The following LAPTM5 variants were observed in gnomAD, a reference collection of about 807,000 sequenced individuals.
LAPTM5 encodes the protein lysosomal-associated transmembrane protein 5.
In LAPTM5, 11 loss-of-function variants were observed where a neutral mutation model predicts 30.1. The ratio of observed to expected loss-of-function variants is 0.37; its 90% CI spans 0.23 to 0.60. The LOEUF is 0.60. Among genes scored for constraint, LAPTM5 ranks in the 20% least tolerant of loss-of-function variants. The pLI is 0.71. For synonymous variants in LAPTM5, 151 were observed against 137.9 expected (o/e 1.10, Z -0.67); for missense variants, 324 against 332.5 (o/e 0.97, Z 0.20).
At chr1:30,741,431 C>T (rs1431652167) in intron 3 of LAPTM5, among the ~76,000 whole-genome samples, 1 of 152,224 alleles carries the variant, frequency 6.6e-6, no homozygotes, top group Non-Finnish European at 1.5e-5. Flanking sequence ...CCCGTGGAGG[C>T]TCATGTTACC....
chr1:30,757,344 C>T (rs1041398706), intron 1 of LAPTM5, among the ~76,000 whole-genome samples: 3 of 152,200 alleles, frequency 2.0e-5, no homozygotes, highest in East Asian at 1.9e-4. Flanking sequence ...AATAACCTTC[C>T]GGCTGCTGCT....
chr1:30,744,408 G>A (rs1304846767), intron 1 of LAPTM5, among the ~76,000 whole-genome samples: 1 of 152,160 alleles, frequency 6.6e-6, no homozygotes, highest in Admixed American at 6.5e-5. Context: ...AGCACAGAAC[G>A]GGGTGTCCTG....
intron 1 of LAPTM5, among the ~76,000 whole-genome samples, chr1:30,751,746 A>AG (rs397815167): frequency 6.6e-6 from 1 of 151,642 alleles, no homozygotes; most frequent in Non-Finnish European, 1.5e-5. Context: ...CTCAAAAAAA[A>AG]GGGGCGGGGG....
At position 30,750,872 on chromosome 1, in the gene LAPTM5, G is replaced by A. The variant is rs542823696; in HGVS notation, c.87+6787C>T. 8.5e-5 allele frequency among the ~76,000 whole-genome samples: 13 copies of A among 152,348 alleles called. No individual in the cohort carries two copies. The East Asian group carries it at 1.7e-3, about 20-fold the overall frequency. On this transcript the variant is annotated intron_variant, in intron 1 of 7. Coordinates refer to ENST00000294507, the MANE Select transcript of LAPTM5 (RefSeq NM_006762.3). ...AGGGAGGAAATTGAGGCTGGGGGAC[G>A]GGTGCCTTGTCCCAAGCAGCCCCTG...
chr1:30,751,695 C>T (rs1230104897), intron 1 of LAPTM5, among the ~76,000 whole-genome samples: 3 of 152,110 alleles, frequency 2.0e-5, no homozygotes, highest in East Asian at 1.9e-4. Context: ...GCCAGGATCA[C>T]GCCACTGCAC....
At chr1:30,741,985 C>G (rs896203095) in intron 2 of LAPTM5, 14 of 382,748 alleles carry the variant, frequency 3.7e-5, no homozygotes, top group African/African-American at 2.5e-4. Flanking sequence ...AGGAAGGCAT[C>G]CCTGGGGAGT....
Position 30,733,839 on chromosome 1 carries a change from A to G in LAPTM5, c.778T>C (p.Ser260Pro). 6.2e-7 allele frequency: 1 copy of G among 1,605,968 alleles called. No homozygotes were observed. The highest frequency in any genetic ancestry group is 1.1e-5 in the South Asian group (1 of 90,288). ...GGGCCTGGCGAGGGTCACACCTCTG[A>G]GTATGGGGGTGGTGCTGGGCCCCCC... ...PEGGPAPPPY[S>P]EV The change falls in exon 8 of 8, where the codon TCA (serine) becomes CCA (proline). Residue 260 changes from serine (S) to proline (P), a missense_variant. Coordinates refer to ENST00000294507, the MANE Select transcript of LAPTM5 (RefSeq NM_006762.3).
intron 7 of LAPTM5, among the ~76,000 whole-genome samples, chr1:30,734,387 TA>T (rs2124173941): frequency 6.6e-6 from 1 of 152,298 alleles, no homozygotes; most frequent in East Asian, 1.9e-4. Context: ...GATATCTGCC[TA>T]GGGGTTTTGG....
chr1:30,752,664 G>A (rs918883415), intron 1 of LAPTM5, among the ~76,000 whole-genome samples: 4 of 152,242 alleles, frequency 2.6e-5, no homozygotes, highest in South Asian at 2.1e-4. Context: ...TGTCCTCGTC[G>A]GTTTTTCCTT....
Position 30,741,694 on chromosome 1 carries a change from C to A in LAPTM5, c.204G>T (p.Leu68=), listed in dbSNP as rs748747039. ...TGATGATGAAGAGCATGGTGATGAG[C>A]AGGAAGCTGGAGATCAGGTCAGCTG... ...LRIADLISSF[L]LITMLFIISL... is the part of the protein sequence containing the mutation. The change falls in exon 3 of 8, where the codon CTG becomes CTT. Residue 68 remains leucine (L), a synonymous_variant. Coordinates refer to ENST00000294507, the MANE Select transcript of LAPTM5 (RefSeq NM_006762.3). 29 of 1,608,256 alleles carry A rather than the reference C, an allele frequency of 1.8e-5. No individual in the cohort carries two copies. Among genetic ancestry groups the A allele is most frequent in the Non-Finnish European group, 2.5e-5 (29 of 1,177,252 alleles).
intron 1 of LAPTM5, among the ~76,000 whole-genome samples, chr1:30,752,180 C>G (rs926263704): frequency 6.6e-6 from 1 of 152,234 alleles, no homozygotes; most frequent in African/African-American, 2.4e-5. Flanking sequence ...TGCCCACTTT[C>G]TGGATCATTC....
At chr1:30,748,431 T>G (rs1489033602) in intron 1 of LAPTM5, among the ~76,000 whole-genome samples, 1 of 151,998 alleles carries the variant, frequency 6.6e-6, no homozygotes, top group Non-Finnish European at 1.5e-5. Flanking sequence ...CCATCATCAT[T>G]ATTATTATGG....
At chr1:30,752,718 G>A (rs1640154847) in intron 1 of LAPTM5, among the ~76,000 whole-genome samples, 2 of 152,346 alleles carry the variant, frequency 1.3e-5, no homozygotes, top group South Asian at 4.1e-4. Context: ...ATGAGTCAGG[G>A]CTGTATCCCG....
intron 3 of LAPTM5, among the ~76,000 whole-genome samples, chr1:30,740,661 T>G (rs978358683): frequency 6.6e-6 from 1 of 152,092 alleles, no homozygotes; most frequent in Non-Finnish European, 1.5e-5. Context: ...AGAACAATCT[T>G]GACTGATCTC....
chr1:30,756,364 G>A (rs528459147), intron 1 of LAPTM5, among the ~76,000 whole-genome samples: 4 of 152,348 alleles, frequency 2.6e-5, no homozygotes, highest in Admixed American at 6.5e-5. Context: ...CAGGTGCCAT[G>A]TCTGATGCAC....
chr1:30,744,784 G>T (rs1640020100), intron 1 of LAPTM5, among the ~76,000 whole-genome samples: 1 of 152,064 alleles, frequency 6.6e-6, no homozygotes, highest in South Asian at 2.1e-4. Context: ...AGCCCTGCTA[G>T]CCTGAACCCC....
chr1:30,739,957 C>T lies in LAPTM5; in HGVS notation c.259-20G>A. Reference sequence around the variant, plus strand: ...CCGGTTCTGAAAGGTAGGCCCAGCACCGTCAAGTGTCCCCTGCATGCAGCC... The same window carrying T: ...CCGGTTCTGAAAGGTAGGCCCAGCATCGTCAAGTGTCCCCTGCATGCAGCC... On this transcript the variant is annotated intron_variant, in intron 3 of 7. Transcript: ENST00000294507. The surrounding 1 kb of genome is among the most constrained non-coding windows in gnomAD (Gnocchi z 4.2). The T allele has an allele frequency of 6.4e-7, 1 of 1,555,054 alleles. No individual in the cohort carries two copies. Among genetic ancestry groups the T allele is most frequent in the Admixed American group, 1.9e-5 (1 of 53,542 alleles).
chr1:30,755,337 T>C (rs978351062), intron 1 of LAPTM5, among the ~76,000 whole-genome samples: 2 of 151,804 alleles, frequency 1.3e-5, no homozygotes, highest in Admixed American at 1.3e-4. Context: ...TCCCCCAAGA[T>C]GAAGAATTAT....
In LAPTM5 at chr1:30,733,286, C is replaced by T. The variant is rs1297623754; in HGVS notation, c.*542G>A. The T allele has an allele frequency of 4.2e-6, 1 of 237,214 alleles. No individual in the cohort carries two copies. The highest frequency in any genetic ancestry group is 8.6e-6 in the Non-Finnish European group (1 of 116,876). 14.7% of individuals were successfully genotyped at this position (237,214 alleles called of 1,614,324 possible). ...CTATTTATCACTATTCTAAATGACT[C>T]ATGGTTGGCTAATTGATTATCATGT... On this transcript the variant is annotated 3_prime_UTR_variant, in exon 8 of 8. Transcript: ENST00000294507.
Sources: gnomAD v4.1 joint callset for allele counts (sites outside exome capture counted in the v4.1 genomes callset) on GRCh38, gnomAD v4.1.1 for gene constraint, Gnocchi (gnomAD v3.1) non-coding constraint, MANE v1.5 for transcripts, NCBI Gene and HGNC (gene_info 2026-07-23, HGNC 2026-07-21) for gene names.